The following ZNF420 variants were observed in gnomAD, a reference collection of about 807,000 sequenced individuals.
The protein encoded by ZNF420 is zinc finger protein 420.
ZNF420 carries 31 observed loss-of-function variants against 44.7 expected under a neutral mutation model. The ratio of observed to expected loss-of-function variants is 0.69; its 90% CI spans 0.52 to 0.94. The LOEUF (loss-of-function observed/expected upper bound fraction) is 0.94, where lower values mean the gene tolerates loss of function less well. Ranked by LOEUF, ZNF420 falls within the 40% of genes least tolerant of loss-of-function variation. ZNF420 has a pLI of 0.00. For missense variants in ZNF420, 681 were observed against 827.9 expected, an observed-to-expected ratio of 0.82 and a Z score of 2.18; for synonymous variants, 245 against 267.4, an observed-to-expected ratio of 0.92 and a Z score of 0.82.
intron 1 of ZNF420, among the ~76,000 whole-genome samples, chr19:37,069,265 A>G (rs910144105): frequency 6.6e-6 from 1 of 152,222 alleles, no homozygotes; most frequent in Non-Finnish European, 1.5e-5. Context: ...ACTGCCCACA[A>G]AAGTAGCTAT....
At chr19:37,019,983 T>C (rs1372090030) in intron 1 of ZNF420, among the ~76,000 whole-genome samples, 4 of 151,928 alleles carry the variant, frequency 2.6e-5, no homozygotes, top group Non-Finnish European at 4.4e-5. Flanking sequence ...TTTGGGAGGC[T>C]GAGGAGGGCG....
At chr19:37,124,091 A>G (rs535126287) in intron 4 of ZNF420, among the ~76,000 whole-genome samples, 1 of 152,094 alleles carries the variant, frequency 6.6e-6, no homozygotes, top group Non-Finnish European at 1.5e-5. Context: ...TTCATTGTCA[A>G]CCTCTCCCCT....
intron 1 of ZNF420, among the ~76,000 whole-genome samples, chr19:37,057,447 C>G (rs1391198709): frequency 6.6e-6 from 1 of 151,766 alleles, no homozygotes; most frequent in Non-Finnish European, 1.5e-5. Flanking sequence ...GTGTGTGTGT[C>G]TCCCATTCTC....
Position 37,127,385 on chromosome 19 carries a change from T to C in ZNF420, c.394T>C (p.Cys132Arg), listed in dbSNP as rs755616894. Residue 132 changes from cysteine to arginine, a missense_variant, in exon 5 of 5, where the codon TGT becomes CGT. Physicochemically the swap from Cys to Arg is radical, Grantham distance 180 (BLOSUM62 -3). Coordinates refer to ENST00000337995, the MANE Select transcript of ZNF420 (RefSeq NM_144689.5). ...QHTYLSQHSR[C>R]HSTEKPYKCK... ...TACTTACTTATCTCAACATTCAAGA[T>C]GTCATTCTACTGAGAAACCCTATAA... 6.2e-7 allele frequency: 1 copy of C among 1,613,760 alleles called. No individual in the cohort carries two copies. Among genetic ancestry groups the C allele is most frequent in the Non-Finnish European group, 8.5e-7 (1 of 1,179,710 alleles).
chr19:37,019,059 A>G (rs2074627868), intron 1 of ZNF420, among the ~76,000 whole-genome samples: 1 of 152,208 alleles, frequency 6.6e-6, no homozygotes, highest in Admixed American at 6.5e-5. Context: ...GAATCAAAAG[A>G]CATCAGTAGA....
In ZNF420 at chr19:37,129,045, A is replaced by T. The variant is rs1360113405; in HGVS notation, c.2054A>T (p.Gln685Leu). Residue 685 changes from glutamine (Q) to leucine (L), a missense_variant, in exon 5 of 5, where the codon CAA (glutamine) becomes CTA (leucine). This residue lies in a region of ZNF420 where 280 missense variants were observed against 338.6 expected (regional missense o/e 0.83). Coordinates refer to ENST00000337995, the MANE Select transcript of ZNF420 (RefSeq NM_144689.5). ...GGGATTGACTTTAGTCATGGCTCAC[A>T]AGTTTACATGTGAATTGTCTGATTA... ...ECGIDFSHGS[Q>L]VYM 3 of 1,610,706 alleles carry T rather than the reference A, an allele frequency of 1.9e-6. No individual in the cohort carries two copies. Among genetic ancestry groups the T allele is most frequent in the Non-Finnish European group, 2.5e-6 (3 of 1,177,342 alleles).
At chr19:37,122,484 G>A (rs1454026811) in intron 4 of ZNF420, among the ~76,000 whole-genome samples, 2 of 151,352 alleles carry the variant, frequency 1.3e-5, no homozygotes, top group East Asian at 3.9e-4. Flanking sequence ...GAGGCGGGAG[G>A]GATAGCATTA....
At chr19:37,097,215 A>T (rs1299826103) in intron 4 of ZNF420, among the ~76,000 whole-genome samples, 1 of 152,114 alleles carries the variant, frequency 6.6e-6, no homozygotes, top group East Asian at 1.9e-4. Flanking sequence ...TTTCTTAAGC[A>T]ATTTCTCAGT....
chr19:37,113,858 GTCTTCA>G (rs555477862), intron 4 of ZNF420, among the ~76,000 whole-genome samples: 2,928 of 152,148 alleles, frequency 0.019, 78 homozygotes, highest in East Asian at 0.049. Context: ...AATCCACCAA[GTCTTCA>G]CCAAGTCTTA....
chr19:37,056,624 C>G (rs1399516698), intron 1 of ZNF420, among the ~76,000 whole-genome samples: 3 of 152,198 alleles, frequency 2.0e-5, no homozygotes, highest in Admixed American at 1.3e-4. Flanking sequence ...TCAGCTGACA[C>G]CACGCCTTGA....
upstream of ZNF420, among the ~76,000 whole-genome samples, chr19:37,076,375 TTTTTA>T (rs562552509): frequency 3.7e-3 from 536 of 146,406 alleles, 3 homozygotes; most frequent in African/African-American, 0.013. Context: ...TTTATTTTTA[TTTTTA>T]TTTATTTATT....
At chr19:37,120,382 A>G (rs1233937212) in intron 4 of ZNF420, among the ~76,000 whole-genome samples, 1 of 149,550 alleles carries the variant, frequency 6.7e-6, no homozygotes, top group Non-Finnish European at 1.5e-5. Flanking sequence ...CCACATGATT[A>G]TCTCAATAGA....
chr19:37,101,591 T>TATC (rs1969779586), intron 4 of ZNF420, among the ~76,000 whole-genome samples: 1 of 152,262 alleles, frequency 6.6e-6, no homozygotes. Flanking sequence ...GCAGACTATC[T>TATC]ATCTGTTGTA....
chr19:37,100,470 T>C (rs1255522037), intron 4 of ZNF420, among the ~76,000 whole-genome samples: 2 of 152,136 alleles, frequency 1.3e-5, no homozygotes, highest in African/African-American at 4.8e-5. Flanking sequence ...CCTAACACTT[T>C]GGGAGGCTGA....
At chr19:37,098,398 C>G (rs959467301) in intron 4 of ZNF420, among the ~76,000 whole-genome samples, 1 of 152,126 alleles carries the variant, frequency 6.6e-6, no homozygotes, top group African/African-American at 2.4e-5. Flanking sequence ...TTTAGGAGCA[C>G]AGACACTGAG....
intron 1 of ZNF420, among the ~76,000 whole-genome samples, chr19:37,054,006 C>A (rs189042404): frequency 6.6e-6 from 1 of 152,344 alleles, no homozygotes; most frequent in Non-Finnish European, 1.5e-5. Flanking sequence ...GTGGGCTCCA[C>A]CCAGTTGGAG....
At chr19:37,022,278 A>C (rs1234877863) in intron 1 of ZNF420, among the ~76,000 whole-genome samples, 4 of 151,812 alleles carry the variant, frequency 2.6e-5, no homozygotes, top group Non-Finnish European at 4.4e-5. Flanking sequence ...TATATAATTA[A>C]ATGTATAATA....
chr19:37,081,736 G>A (rs553042416), intron 2 of ZNF420, among the ~76,000 whole-genome samples: 142 of 144,280 alleles, frequency 9.8e-4, no homozygotes, highest in African/African-American at 3.5e-3. Context: ...AGCAGAGATG[G>A]GGTTTCACCA....
chr19:37,089,283 A>T (rs1834747776), intron 3 of ZNF420, among the ~76,000 whole-genome samples, 156 bp downstream of exon 3: 1 of 152,240 alleles, frequency 6.6e-6, no homozygotes, highest in East Asian at 1.9e-4. Context: ...TGTCTTCCCT[A>T]AGTGTGTCTT....
Sources: allele counts gnomAD v4.1 joint callset (sites outside exome capture counted in the v4.1 genomes callset), GRCh38; gene constraint gnomAD v4.1.1; regional missense constraint gnomAD v4.1.1; transcripts MANE v1.5; gene names NCBI Gene and HGNC (gene_info 2026-07-23, HGNC 2026-07-21).